DNAJA3: variants seen among roughly 807,000 people sequenced by gnomAD.
DNAJA3 encodes dnaJ homolog subfamily A member 3, mitochondrial.
Under a neutral mutation model 54.9 loss-of-function variants are expected in DNAJA3, and 29 were observed. The ratio of observed to expected loss-of-function variants is 0.53; its 90% CI spans 0.39 to 0.72. DNAJA3 has a LOEUF of 0.72. DNAJA3 is among the 30% of genes least tolerant of loss of function. The probability of loss-of-function intolerance (pLI) is 0.00; values close to 1 mark genes in which losing one functional copy is unlikely to be tolerated. For synonymous variants in DNAJA3, 302 were observed against 251.4 expected (o/e 1.20, Z -1.90); for missense variants, 708 against 639.4 (o/e 1.11, Z -1.16).
intron 1 of DNAJA3, 88 bp downstream of exon 1, chr16:4,426,180 T>TCACA: frequency 1.5e-6 from 2 of 1,345,224 alleles, no homozygotes; most frequent in South Asian, 1.6e-5. Context: ...GCAGGGGTAG[T>TCACA]GGGGTGGAGG....
intron 9 of DNAJA3, 115 bp from the exon 10 acceptor site, chr16:4,450,285 C>G: frequency 1.3e-6 from 1 of 758,282 alleles, no homozygotes; most frequent in Non-Finnish European, 2.1e-6. Flanking sequence ...GGTGTCCGCC[C>G]CTGCCAAGGT....
intron 3 of DNAJA3, among the ~76,000 whole-genome samples, chr16:4,439,313 G>A (rs1596364368): frequency 2.0e-5 from 3 of 149,710 alleles, no homozygotes; most frequent in South Asian, 2.1e-4. Context: ...CGAAGATTGC[G>A]CCATTGTACT....
rs1271577171 is a variant in DNAJA3, at chr16:4,429,034, A to G, written c.211+2942A>G. 1.2e-4 allele frequency among the ~76,000 whole-genome samples: 18 copies of G among 151,406 alleles called. 1 individual carries two copies. The highest frequency in any genetic ancestry group is 2.9e-5 in the Non-Finnish European group (2 of 67,880). Reference sequence around the variant, plus strand: ...CTCCCGAGTAGCTGGGACTACAGGCACCTGCAACCGCGCCCAGCTAATTTT... The same window carrying G: ...CTCCCGAGTAGCTGGGACTACAGGCGCCTGCAACCGCGCCCAGCTAATTTT... On this transcript the variant is annotated intron_variant, in intron 1 of 11. Coordinates refer to ENST00000262375, the MANE Select transcript of DNAJA3 (RefSeq NM_005147.6).
rs1426249857 is a variant in DNAJA3 at position 4,444,545 on chromosome 16, A to T, written c.932-119A>T. ...GAGACCAGGTTTCACCATGTTGGCC[A>T]GGATGGTCTCGATCTCTTGACGTCA... is the stretch of plus-strand genomic sequence containing the variant. On this transcript the variant is annotated intron_variant, in intron 6 of 11. Coordinates refer to ENST00000262375, the MANE Select transcript of DNAJA3 (RefSeq NM_005147.6). 6.6e-6 allele frequency: 5 copies of T among 761,336 alleles called. No individual in the cohort carries two copies. The African/African-American group carries it at 6.9e-5, about 11-fold the overall frequency. The allele number at this position is 761,336 out of a possible 1,614,324, so 47.2% of individuals were successfully genotyped here.
At chr16:4,450,337 C>T in intron 9 of DNAJA3, 63 bp from the exon 10 acceptor site, 2 of 1,406,302 alleles carry the variant, frequency 1.4e-6, no homozygotes, top group South Asian at 1.3e-5. Context: ...TGCTGGCTGC[C>T]TGTGAGTTCT....
At chr16:4,443,270 G>C in intron 6 of DNAJA3, 106 bp downstream of exon 6, 1 of 1,370,538 alleles carries the variant, frequency 7.3e-7, no homozygotes, top group South Asian at 1.4e-5. Context: ...ACTGCACTGA[G>C]TGTGAGTGGG....
rs1038313510 is a variant in DNAJA3, at chr16:4,456,041, C to T, written c.*509C>T. 4 of 167,596 alleles carry T rather than the reference C, an allele frequency of 2.4e-5. No homozygotes were observed. Among genetic ancestry groups the T allele is most frequent in the South Asian group, 1.6e-4 (1 of 6,186 alleles). 10.4% of individuals were successfully genotyped at this position (167,596 alleles called of 1,614,324 possible). On this transcript the variant is annotated 3_prime_UTR_variant, in exon 12 of 12. Transcript: ENST00000262375. ...CCCCAGGCCCCACCAGCACCGTCCT[C>T]CCCTAATGAGGGGCCCTGCCGAGGC... is the stretch of plus-strand genomic sequence containing the variant.
intron 2 of DNAJA3, among the ~76,000 whole-genome samples, chr16:4,434,886 CTTTTTTTTTTT>C (rs202179531): frequency 0.6 from 59,552 of 99,722 alleles, 16,251 homozygotes; most frequent in Non-Finnish European, 0.67. Context: ...CCTTTCCTTT[CTTTTTTTTTTT>C]TTTTTTTTTT....
chr16:4,444,747 A>G lies in DNAJA3; in HGVS notation c.996+19A>G. The G allele has an allele frequency of 1.9e-6, 3 of 1,612,140 alleles. No individual in the cohort carries two copies. Among genetic ancestry groups the G allele is most frequent in the Non-Finnish European group, 1.7e-6 (2 of 1,178,592 alleles). Reference sequence around the variant, plus strand: ...GTTCAGGGTAGGTGCCCTGCCCCGCACAGCTTCTGTTGGGCCTTTCCTCTC... The same window carrying G: ...GTTCAGGGTAGGTGCCCTGCCCCGCGCAGCTTCTGTTGGGCCTTTCCTCTC... On this transcript the variant is annotated intron_variant, in intron 7 of 11. Transcript: ENST00000262375.
In DNAJA3 at chr16:4,455,892, A is replaced by G; in HGVS notation, c.*360A>G. ...TATCTTAGTTAAAGGCCATGCTTAC[A>G]GCTTAGAAATGAAGCCTTAAGCTGC... On this transcript the variant is annotated 3_prime_UTR_variant, in exon 12 of 12. Coordinates refer to ENST00000262375, the MANE Select transcript of DNAJA3 (RefSeq NM_005147.6). 4 of 469,826 alleles carry G rather than the reference A, an allele frequency of 8.5e-6. No individual in the cohort carries two copies. The highest frequency in any genetic ancestry group is 3.8e-6 in the Non-Finnish European group (1 of 260,682). 29.1% of individuals were successfully genotyped at this position (469,826 alleles called of 1,614,324 possible).
Position 4,454,924 on chromosome 16 carries a change from C to A in DNAJA3, c.*10C>A. ...AATGTTTACCTCATGATATCCCAGC[C>A]GAGGTAGGAAAACCCTGGAGGTTTT... On this transcript the variant is annotated 3_prime_UTR_variant, in exon 11 of 12. Coordinates refer to ENST00000262375, the MANE Select transcript of DNAJA3 (RefSeq NM_005147.6). 6.2e-7 allele frequency: 1 copy of A among 1,603,294 alleles called. No individual in the cohort carries two copies. The highest frequency in any genetic ancestry group is 8.5e-7 in the Non-Finnish European group (1 of 1,171,052).
At chr16:4,454,976 T>A in intron 11 of DNAJA3, 49 bp downstream of exon 11, 1 of 1,298,064 alleles carries the variant, frequency 7.7e-7, no homozygotes, top group Non-Finnish European at 1.1e-6. Flanking sequence ...CTCTGTGAAC[T>A]AATCCTGGTT....
At chr16:4,446,454 G>C (rs561724067) in intron 7 of DNAJA3, among the ~76,000 whole-genome samples, 11 of 151,710 alleles carry the variant, frequency 7.3e-5, no homozygotes, top group Admixed American at 7.2e-4. Context: ...ATGTTGGTCA[G>C]TCTGGTCTCA....
chr16:4,438,635 C>CTT (rs56211652), intron 3 of DNAJA3, among the ~76,000 whole-genome samples: 5,995 of 110,582 alleles, frequency 0.054, 558 homozygotes, highest in African/African-American at 0.17. Context: ...ACAATCTTTT[C>CTT]TTTTTTTTTT....
intron 9 of DNAJA3, 94 bp downstream of exon 9, chr16:4,448,942 A>C: frequency 1.1e-6 from 1 of 869,986 alleles, no homozygotes; most frequent in East Asian, 2.6e-5. Flanking sequence ...TGCTCCCTGT[A>C]AGTCAGGTGG....
intron 8 of DNAJA3, 144 bp downstream of exon 8, chr16:4,447,158 G>C: frequency 2.1e-6 from 2 of 966,940 alleles, no homozygotes; most frequent in Non-Finnish European, 3.0e-6. Flanking sequence ...AGGAATTTTA[G>C]GCTGCTCCTT....
intron 7 of DNAJA3, among the ~76,000 whole-genome samples, chr16:4,445,077 T>G (rs563551012): frequency 4.6e-5 from 7 of 152,316 alleles, no homozygotes; most frequent in African/African-American, 1.7e-4. Context: ...CTTGGTTTTC[T>G]GAGATGGTGG....
intron 7 of DNAJA3, among the ~76,000 whole-genome samples, chr16:4,445,455 TAGTA>T (rs1207647359): frequency 6.6e-6 from 1 of 152,334 alleles, no homozygotes; most frequent in African/African-American, 2.4e-5. Context: ...CGGAAATACA[TAGTA>T]AGTAGAAGCT....
intron 11 of DNAJA3, 36 bp from the exon 12 acceptor site, chr16:4,455,510 T>C (rs2057025726): frequency 1.3e-6 from 2 of 1,551,032 alleles, no homozygotes; most frequent in East Asian, 2.4e-5. Flanking sequence ...CCTTGAAATG[T>C]TGAGTATAAG....
Sources: allele counts gnomAD v4.1 joint callset (sites outside exome capture counted in the v4.1 genomes callset), GRCh38; gene constraint gnomAD v4.1.1; transcripts MANE v1.5; gene names NCBI Gene and HGNC (gene_info 2026-07-23, HGNC 2026-07-21).